The following SLC9A5 variants were observed in gnomAD, a reference collection of about 807,000 sequenced individuals.
SLC9A5 encodes solute carrier family 9 member A5, also known as sodium/hydrogen exchanger 5.
SLC9A5 carries 52 observed loss-of-function variants against 91.7 expected under a neutral mutation model. That is an observed-to-expected ratio of 0.57 (90% CI 0.45 to 0.71). SLC9A5 has a LOEUF of 0.71. Among genes scored for constraint, SLC9A5 ranks in the 30% least tolerant of loss-of-function variants. The pLI is 0.00. For synonymous variants in SLC9A5, 419 were observed against 474.5 expected, an observed-to-expected ratio of 0.88 and a Z score of 1.52; for missense variants, 871 against 1,158.9, an observed-to-expected ratio of 0.75 and a Z score of 3.61.
chr16:67,257,138 A>G lies in SLC9A5; in HGVS notation c.1335+25A>G. 6.3e-7 allele frequency: 1 copy of G among 1,596,192 alleles called. No individual in the cohort carries two copies. The highest frequency in any genetic ancestry group is 2.2e-5 in the East Asian group (1 of 44,732). Reference sequence around the variant, plus strand: ...GGTGGGAGTGCCCACAAGGCTGGGTAGGGAGAGGGTTGGGCAGGCCCTGGG... The same window carrying G: ...GGTGGGAGTGCCCACAAGGCTGGGTGGGGAGAGGGTTGGGCAGGCCCTGGG... On this transcript the variant is annotated intron_variant, in intron 7 of 15. Coordinates refer to ENST00000299798, the MANE Select transcript of SLC9A5 (RefSeq NM_004594.3). This position sits in a 1 kb window ranked among gnomAD's most constrained non-coding sequence, Gnocchi z 5.1.
chr16:67,266,837 G>A (rs1436487431), intron 15 of SLC9A5, among the ~76,000 whole-genome samples: 2 of 145,688 alleles, frequency 1.4e-5, no homozygotes, highest in Non-Finnish European at 3.0e-5. Flanking sequence ...CACCATGCCC[G>A]GCCTATTCTT....
rs771337458 is a variant in SLC9A5 at position 67,258,343 on chromosome 16, C to G, written c.1522C>G (p.Leu508Val). Reference protein sequence around the residue: ...DRWEQFDKKYLSQLLMRRSAY... With the variant: ...DRWEQFDKKYVSQLLMRRSAY... ...GTGGGAGCAGTTTGACAAGAAATAC[C>G]TGAGTCAGCTGCTGATGCGACGATC... Residue 508 changes from leucine (L) to valine (V), a missense_variant, in exon 10 of 16, where the codon CTG (leucine) becomes GTG (valine). This residue lies in a region of SLC9A5 where 454 missense variants were observed against 718.3 expected (regional missense o/e 0.63). Transcript: ENST00000299798. The surrounding 1 kb of genome is among the most constrained non-coding windows in gnomAD (Gnocchi z 4.5). 2 of 1,613,986 alleles carry G rather than the reference C, an allele frequency of 1.2e-6. No individual in the cohort carries two copies. Among genetic ancestry groups the G allele is most frequent in the Non-Finnish European group, 1.7e-6 (2 of 1,180,048 alleles).
At chr16:67,263,572 G>A (rs2035601576) in intron 12 of SLC9A5, 1 of 152,352 alleles carries the variant, frequency 6.6e-6, no homozygotes, top group African/African-American at 2.4e-5. Context: ...ATCACTTGAG[G>A]TCAGGAGTTC....
At position 67,255,019 on chromosome 16, in the gene SLC9A5, A is replaced by G; in HGVS notation, c.491-2A>G. On this transcript the variant is annotated splice_acceptor_variant, in intron 2 of 15. Transcript: ENST00000299798. LOFTEE classifies it high-confidence loss of function. The surrounding 1 kb of genome is among the most constrained non-coding windows in gnomAD (Gnocchi z 4.9). ...GCCTGTCCTACACATGTCCCTTAAT[A>G]GCCCCTAGGGTGCAGGCTGGCTTAC... The G allele has an allele frequency of 6.2e-7, 1 of 1,612,690 alleles. No individual in the cohort carries two copies. The highest frequency in any genetic ancestry group is 2.2e-5 in the East Asian group (1 of 44,838).
intron 13 of SLC9A5, 113 bp downstream of exon 13, chr16:67,264,635 A>T (rs780460159): frequency 2.5e-5 from 27 of 1,071,392 alleles, no homozygotes; most frequent in Non-Finnish European, 3.5e-5. Flanking sequence ...GACAGTCCTC[A>T]GGGGCTTGAT....
rs1341210294 is a variant in SLC9A5 at position 67,271,184 on chromosome 16, C to T, written c.2665C>T (p.Gln889Ter). ...CACCGCTACCTCCCACTGGTGCATC[C>T]AGTTCAACAGAGGCAGCCGGCTGTA... Reference protein sequence around the residue: ...PGTATSHWCIQFNRGSRL With the variant: ...PGTATSHWCI The change falls in exon 16 of 16, where the codon CAG becomes TAG. Residue 889 changes from glutamine to a stop codon, truncating the protein, a stop_gained. Coordinates refer to ENST00000299798, the MANE Select transcript of SLC9A5 (RefSeq NM_004594.3). LOFTEE classifies it high-confidence loss of function. 1 of 1,612,702 alleles carries T rather than the reference C, an allele frequency of 6.2e-7. No homozygotes were observed. The highest frequency in any genetic ancestry group is 8.5e-7 in the Non-Finnish European group (1 of 1,179,996).
chr16:67,264,990 G>A, intron 13 of SLC9A5, 50 bp from the exon 14 acceptor site: 1 of 1,585,534 alleles, frequency 6.3e-7, no homozygotes, highest in South Asian at 1.1e-5. Flanking sequence ...TGACAGGGTT[G>A]GGGTGGGAAG....
rs1377385838 is a variant in SLC9A5, at chr16:67,266,094, T to C, written c.2087T>C (p.Val696Ala). Residue 696 changes from valine (V) to alanine (A), a missense_variant, in exon 15 of 16, where the codon GTG (valine) becomes GCG (alanine). This residue lies in a region of SLC9A5 where 295 missense variants were observed against 326.0 expected (regional missense o/e 0.90). Coordinates refer to ENST00000299798, the MANE Select transcript of SLC9A5 (RefSeq NM_004594.3). ...RGLGFQDTAA[V>A]ILTVESEEEE... ...TGCTCTTGTCTCTGTCCAGCTGCTGTGATATTAACCGTGGAGTCTGAGGAG... is the reference window on the plus strand; with the variant it reads ...TGCTCTTGTCTCTGTCCAGCTGCTGCGATATTAACCGTGGAGTCTGAGGAG... The C allele has an allele frequency of 7.4e-6, 12 of 1,610,922 alleles. No individual in the cohort carries two copies. Among genetic ancestry groups the C allele is most frequent in the Admixed American group, 1.7e-5 (1 of 59,644 alleles).
chr16:67,264,610 G>A (rs988486247), intron 13 of SLC9A5, 88 bp downstream of exon 13: 61 of 1,385,464 alleles, frequency 4.4e-5, no homozygotes, highest in African/African-American at 4.3e-5. Context: ...CCAGCTTAGG[G>A]GGAACCCCAG....
chr16:67,251,177 G>A (rs2035102973), intron 1 of SLC9A5, among the ~76,000 whole-genome samples: 1 of 152,140 alleles, frequency 6.6e-6, no homozygotes, highest in Non-Finnish European at 1.5e-5. Flanking sequence ...GCTAAGGCTG[G>A]AAGAAGACCT....
intron 12 of SLC9A5, among the ~76,000 whole-genome samples, chr16:67,260,270 G>C (rs955143589): frequency 5.4e-5 from 8 of 148,688 alleles, no homozygotes; most frequent in Non-Finnish European, 8.8e-5. Context: ...CAGGAAAATC[G>C]CTTGAACCCG....
chr16:67,259,361 CAA>C (rs764650700), intron 10 of SLC9A5, among the ~76,000 whole-genome samples: 12 of 43,380 alleles, frequency 2.8e-4, no homozygotes, highest in African/African-American at 5.4e-4. Flanking sequence ...GACTCTGTCT[CAA>C]AAAAAAAAAA....
chr16:67,259,454 G>T, intron 10 of SLC9A5, 119 bp from the exon 11 acceptor site: 2 of 704,670 alleles, frequency 2.8e-6, no homozygotes, highest in Non-Finnish European at 5.1e-6. Context: ...GCCTAGCAGA[G>T]TACCTGGCAT....
intron 12 of SLC9A5, among the ~76,000 whole-genome samples, chr16:67,260,804 A>G (rs900774392): frequency 6.6e-6 from 1 of 152,246 alleles, no homozygotes. Flanking sequence ...TTGCGTCTGG[A>G]AAGGCCCAGC....
rs2035309198 is a variant in SLC9A5 at position 67,256,166 on chromosome 16, G to A, written c.911+236G>A. Reference sequence around the variant, plus strand: ...CTGGGTGTAGGCTGGGCTGGAAGTAGACTTTAAGGCCTGGGGCCACCAGCT... The same window carrying A: ...CTGGGTGTAGGCTGGGCTGGAAGTAAACTTTAAGGCCTGGGGCCACCAGCT... On this transcript the variant is annotated intron_variant, in intron 5 of 15. Transcript: ENST00000299798. The surrounding 1 kb of genome is among the most constrained non-coding windows in gnomAD (Gnocchi z 4.1). 6.6e-6 allele frequency among the ~76,000 whole-genome samples: 1 copy of A among 152,184 alleles called. No individual in the cohort carries two copies. The highest frequency in any genetic ancestry group is 2.4e-5 in the African/African-American group (1 of 41,436).
At chr16:67,251,830 C>G (rs1462757668) in intron 1 of SLC9A5, among the ~76,000 whole-genome samples, 1 of 152,134 alleles carries the variant, frequency 6.6e-6, no homozygotes, top group Non-Finnish European at 1.5e-5. Flanking sequence ...CCTAAGATCA[C>G]AGAACTAAGC....
chr16:67,260,013 T>A, intron 12 of SLC9A5, 67 bp downstream of exon 12: 1 of 1,560,386 alleles, frequency 6.4e-7, no homozygotes. Context: ...TAAGAGGCAG[T>A]TGGCGCCAGC....
Position 67,270,705 on chromosome 16 carries a change from G to A in SLC9A5, c.2219-33G>A, listed in dbSNP as rs1263190456. On this transcript the variant is annotated intron_variant, in intron 15 of 15. Coordinates refer to ENST00000299798, the MANE Select transcript of SLC9A5 (RefSeq NM_004594.3). The surrounding 1 kb of genome is among the most constrained non-coding windows in gnomAD (Gnocchi z 4.3). The stretch of plus-strand genomic sequence containing the variant: ...TTATACTTGAGATTTCCACTGTATT[G>A]GTAATGAGTTCATGTGTACTCTCTG... 1 of 1,385,872 alleles carries A rather than the reference G, an allele frequency of 7.2e-7. No homozygotes were observed. Among genetic ancestry groups the A allele is most frequent in the South Asian group, 1.3e-5 (1 of 75,936 alleles). The allele number at this position is 1,385,872 out of a possible 1,614,324, so 85.8% of individuals were successfully genotyped here. A position where few individuals can be genotyped will look rare whatever the true frequency, so the allele number is the denominator to read the frequency against.
chr16:67,267,506 A>C (rs1405049621), intron 15 of SLC9A5, among the ~76,000 whole-genome samples: 2 of 152,120 alleles, frequency 1.3e-5, no homozygotes, highest in Non-Finnish European at 2.9e-5. Flanking sequence ...TGCAGGTGTC[A>C]GCCACCGTGC....
Sources: allele counts gnomAD v4.1 joint callset (sites outside exome capture counted in the v4.1 genomes callset), GRCh38; gene constraint gnomAD v4.1.1; regional missense constraint gnomAD v4.1.1; non-coding constraint Gnocchi (gnomAD v3.1); transcripts MANE v1.5; gene names NCBI Gene and HGNC (gene_info 2026-07-23, HGNC 2026-07-21).